The following SCAPER variants were observed in gnomAD, a reference collection of about 807,000 sequenced individuals.
SCAPER encodes the protein S-phase cyclin A associated protein in the ER.
Under a neutral mutation model 182.2 loss-of-function variants are expected in SCAPER, and 98 were observed. The observed-to-expected ratio is 0.54, with a 90% confidence interval of 0.46 to 0.64. The LOEUF is 0.64. Among genes scored for constraint, SCAPER ranks in the 30% least tolerant of loss-of-function variants. The probability of loss-of-function intolerance (pLI) is 0.00; values close to 1 mark genes in which losing one functional copy is unlikely to be tolerated. For synonymous variants in SCAPER, 605 were observed against 564.6 expected (o/e 1.07, Z -1.01); for missense variants, 1,432 against 1,690.0 (o/e 0.85, Z 2.68).
At chr15:76,574,614 AG>A (rs2047690179) in intron 22 of SCAPER, among the ~76,000 whole-genome samples, 1 of 152,230 alleles carries the variant, frequency 6.6e-6, no homozygotes, top group South Asian at 2.1e-4. Context: ...GGATGAGAGC[AG>A]AGAAAATGAG....
rs956666701 is a variant in SCAPER at position 76,702,882 on chromosome 15, T to C, written c.2368A>G (p.Arg790Gly). Residue 790 changes from arginine to glycine, a missense_variant, in exon 19 of 32, where the codon AGA becomes GGA. This residue lies in a region of SCAPER where 718 missense variants were observed against 799.7 expected (regional missense o/e 0.90). Coordinates refer to ENST00000563290, the MANE Select transcript of SCAPER (RefSeq NM_020843.4). The stretch of plus-strand genomic sequence containing the variant: ...TTGCAGAGAGAACACTGCTTCTTTC[T>C]TTCATAAGGGGTCAGTTTGGGGGCA... Reference protein sequence around the residue: ...DYAPKLTPYERKKQCSLCNVL... With the variant: ...DYAPKLTPYEGKKQCSLCNVL... 1.2e-6 allele frequency: 2 copies of C among 1,608,764 alleles called. No individual in the cohort carries two copies. The highest frequency in any genetic ancestry group is 1.3e-5 in the African/African-American group (1 of 74,572).
chr15:76,646,244 C>T (rs2054536218), intron 21 of SCAPER, among the ~76,000 whole-genome samples: 1 of 152,112 alleles, frequency 6.6e-6, no homozygotes, highest in South Asian at 2.1e-4. Context: ...AGGGTTAACT[C>T]TGAATGTAGA....
chr15:76,884,713 T>G (rs1179259438), intron 1 of SCAPER, among the ~76,000 whole-genome samples: 1 of 152,180 alleles, frequency 6.6e-6, no homozygotes, highest in Non-Finnish European at 1.5e-5. Context: ...TATATGCAAA[T>G]GTTCACAGCA....
chr15:76,860,980 T>TACCA (rs1284070973), intron 3 of SCAPER, among the ~76,000 whole-genome samples: 6 of 152,040 alleles, frequency 3.9e-5, no homozygotes, highest in African/African-American at 1.2e-4. Flanking sequence ...CTGTACCCCA[T>TACCA]TAAATACCAT....
At chr15:76,580,779 C>T (rs1392183940) in intron 22 of SCAPER, among the ~76,000 whole-genome samples, 2 of 151,776 alleles carry the variant, frequency 1.3e-5, no homozygotes, top group African/African-American at 2.4e-5. Context: ...GCAATCCAAA[C>T]CCCAAATTAG....
Position 76,402,142 on chromosome 15 carries a change from A to G in SCAPER, c.3467+2382T>C, listed in dbSNP as rs1161451554. Among the ~76,000 whole-genome samples the G allele has an allele frequency of 1.3e-5, 2 of 152,148 alleles. 1 individual carries two copies. The highest frequency in any genetic ancestry group is 2.9e-5 in the Non-Finnish European group (2 of 68,028). Reference sequence around the variant, plus strand: ...TAAGATTCAGTCTCAAAAACAAAACAAAACAAACAAACAAACAAACAAAAA... The same window carrying G: ...TAAGATTCAGTCTCAAAAACAAAACGAAACAAACAAACAAACAAACAAAAA... On this transcript the variant is annotated intron_variant, in intron 27 of 31. Coordinates refer to ENST00000563290, the MANE Select transcript of SCAPER (RefSeq NM_020843.4).
intron 2 of SCAPER, among the ~76,000 whole-genome samples, chr15:76,867,788 A>C (rs2072404294): frequency 1.3e-5 from 2 of 152,206 alleles, no homozygotes; most frequent in Non-Finnish European, 2.9e-5. Context: ...AATATGCATC[A>C]AAACCACTTG....
At chr15:76,565,580 T>A (rs1248721728) in intron 23 of SCAPER, among the ~76,000 whole-genome samples, 2 of 151,972 alleles carry the variant, frequency 1.3e-5, no homozygotes, top group African/African-American at 4.8e-5. Flanking sequence ...CTCAGTTTGA[T>A]GACGTCTGAC....
At chr15:76,496,591 G>A (rs1167487584) in intron 24 of SCAPER, among the ~76,000 whole-genome samples, 2 of 152,178 alleles carry the variant, frequency 1.3e-5, no homozygotes, top group Non-Finnish European at 2.9e-5. Context: ...GGGATAGTAA[G>A]TTTAATGAAT....
At chr15:76,697,536 G>A (rs887631031) in intron 20 of SCAPER, among the ~76,000 whole-genome samples, 5 of 152,034 alleles carry the variant, frequency 3.3e-5, no homozygotes, top group Non-Finnish European at 7.4e-5. Context: ...AAAAACATGC[G>A]AAATTTATAT....
chr15:76,485,573 G>T (rs1026223271), intron 24 of SCAPER, among the ~76,000 whole-genome samples: 1 of 152,094 alleles, frequency 6.6e-6, no homozygotes, highest in Non-Finnish European at 1.5e-5. Context: ...AGTCTGAGTA[G>T]CCCAGGCAAT....
At chr15:76,730,277 C>A (rs2060840611) in intron 16 of SCAPER, among the ~76,000 whole-genome samples, 1 of 151,808 alleles carries the variant, frequency 6.6e-6, no homozygotes, top group Admixed American at 6.6e-5. Context: ...AAAAGGATCT[C>A]TATTTCTTTC....
At chr15:76,407,975 TA>T (rs1005199393) in intron 26 of SCAPER, among the ~76,000 whole-genome samples, 5 of 151,800 alleles carry the variant, frequency 3.3e-5, no homozygotes, top group Non-Finnish European at 7.4e-5. Context: ...AAAAATCACT[TA>T]AAAAAAACAA....
intron 17 of SCAPER, among the ~76,000 whole-genome samples, chr15:76,713,712 T>A (rs1468383430): frequency 6.6e-6 from 1 of 152,014 alleles, no homozygotes; most frequent in African/African-American, 2.4e-5. Flanking sequence ...CACACCAGCA[T>A]GGCACATGTA....
chr15:76,637,790 G>A (rs1438470095), intron 21 of SCAPER, among the ~76,000 whole-genome samples: 17 of 92,124 alleles, frequency 1.8e-4, no homozygotes, highest in African/African-American at 3.0e-4. Context: ...GTGTGTGTGT[G>A]TGTGTGTGTA....
intron 25 of SCAPER, among the ~76,000 whole-genome samples, chr15:76,438,473 C>A (rs1257134341): frequency 6.6e-6 from 1 of 152,144 alleles, no homozygotes; most frequent in Non-Finnish European, 1.5e-5. Context: ...TTGTTATATT[C>A]TCTGCCTACA....
At chr15:76,614,421 A>C (rs2051275061) in intron 22 of SCAPER, among the ~76,000 whole-genome samples, 1 of 152,204 alleles carries the variant, frequency 6.6e-6, no homozygotes, top group Admixed American at 6.5e-5. Flanking sequence ...ACAAAAACAA[A>C]AACAAACAAA....
chr15:76,369,293 T>C (rs1169968064), intron 29 of SCAPER, among the ~76,000 whole-genome samples: 1 of 152,242 alleles, frequency 6.6e-6, no homozygotes, highest in African/African-American at 2.4e-5. Flanking sequence ...AAATTGGTTC[T>C]GTAAATTAAC....
chr15:76,803,274 C>T (rs919617305), intron 6 of SCAPER, among the ~76,000 whole-genome samples: 5 of 152,202 alleles, frequency 3.3e-5, no homozygotes, highest in African/African-American at 1.2e-4. Context: ...AAAGATATCA[C>T]ACATGCTGTT....
Sources: allele counts gnomAD v4.1 joint callset (sites outside exome capture counted in the v4.1 genomes callset), GRCh38; gene constraint gnomAD v4.1.1; regional missense constraint gnomAD v4.1.1; transcripts MANE v1.5; gene names NCBI Gene and HGNC (gene_info 2026-07-23, HGNC 2026-07-21).